Variants in DNM3 observed in about 807,000 individuals in gnomAD.
DNM3 encodes the protein dynamin-3.
Under a neutral mutation model 101.6 loss-of-function variants are expected in DNM3, and 47 were observed. That is an observed-to-expected ratio of 0.46 (90% confidence interval 0.37 to 0.59). The LOEUF (loss-of-function observed/expected upper bound fraction) is 0.59. Ranked by LOEUF, DNM3 falls within the 20% of genes least tolerant of loss-of-function variation. The probability of loss-of-function intolerance (pLI) is 0.00; values close to 1 mark genes in which losing one functional copy is unlikely to be tolerated. For synonymous variants in DNM3, 385 were observed against 387.9 expected, an observed-to-expected ratio of 0.99 and a Z score of 0.09; for missense variants, 849 against 1,085.7, an observed-to-expected ratio of 0.78 and a Z score of 3.06.
chr1:172,080,778 G>T (rs2053077333), intron 11 of DNM3, among the ~76,000 whole-genome samples: 1 of 152,154 alleles, frequency 6.6e-6, no homozygotes, highest in Non-Finnish European at 1.5e-5. Context: ...GGAATCTCCT[G>T]GTCTGCAGGT....
rs1188272057 is a variant in DNM3, at chr1:172,124,698, TGGCCCA to T, written c.1546-6475_1546-6470del. Among the ~76,000 whole-genome samples the T allele has an allele frequency of 5.3e-5, 8 of 152,212 alleles. No homozygotes were observed. The East Asian group carries it at 1.5e-3, about 29-fold the overall frequency. On this transcript the variant is annotated intron_variant, in intron 13 of 20. Coordinates refer to ENST00000627582, the MANE Select transcript of DNM3 (RefSeq NM_015569.5). Reference sequence around the variant, plus strand: ...GCTCTCCACAGTTCCCTTCTTGCCCTGGCCCAGAGCACGGAATGGCACTGATGGCAG... The same window carrying T: ...GCTCTCCACAGTTCCCTTCTTGCCCTGAGCACGGAATGGCACTGATGGCAG...
chr1:171,976,363 G>A (rs974318590), intron 2 of DNM3, among the ~76,000 whole-genome samples: 1 of 152,212 alleles, frequency 6.6e-6, no homozygotes, highest in African/African-American at 2.4e-5. Context: ...CCACATGGCT[G>A]AAGAGGCCTC....
At chr1:172,048,573 TAAA>T in intron 9 of DNM3, 36 bp from the exon 10 acceptor site, 2 of 1,564,076 alleles carry the variant, frequency 1.3e-6, no homozygotes, top group Non-Finnish European at 1.7e-6. Context: ...ATTACTCAAT[TAAA>T]AAAATCTCAT....
Position 172,350,756 on chromosome 1 carries a change from T to A in DNM3, c.1893+27416T>A, listed in dbSNP as rs571761838. Among the ~76,000 whole-genome samples the A allele has an allele frequency of 3.9e-5, 6 of 152,296 alleles. No homozygotes were observed. In the East Asian group the frequency reaches 9.7e-4, roughly 25 times the overall value. On this transcript the variant is annotated intron_variant, in intron 17 of 20. Transcript: ENST00000627582. Reference sequence around the variant, plus strand: ...AGCAGGGAACTCATCTATCTGTATATACATGGAGGCAGGCAGCTGTTAACA... The same window carrying A: ...AGCAGGGAACTCATCTATCTGTATAAACATGGAGGCAGGCAGCTGTTAACA...
intron 20 of DNM3, among the ~76,000 whole-genome samples, chr1:172,392,006 C>T (rs2069565743): frequency 6.6e-6 from 1 of 152,212 alleles, no homozygotes; most frequent in South Asian, 2.1e-4. Flanking sequence ...AATCAAAGCA[C>T]ACTTGCAATT....
At chr1:171,892,171 G>A (rs1387695423) in intron 1 of DNM3, among the ~76,000 whole-genome samples, 1 of 152,084 alleles carries the variant, frequency 6.6e-6, no homozygotes, top group Admixed American at 6.6e-5. Flanking sequence ...TTGTGTGTGT[G>A]TGCGTGTGTG....
intron 15 of DNM3, among the ~76,000 whole-genome samples, chr1:172,281,118 T>C (rs993237283): frequency 2.0e-5 from 3 of 151,974 alleles, no homozygotes; most frequent in Admixed American, 6.6e-5. Context: ...GAGAGTGTGA[T>C]AGCAGAATTA....
intron 11 of DNM3, among the ~76,000 whole-genome samples, chr1:172,070,070 C>T (rs1334561817): frequency 6.6e-5 from 10 of 152,090 alleles, no homozygotes; most frequent in Non-Finnish European, 1.0e-4. Flanking sequence ...ACCACCTTGT[C>T]TCTGCTTGAG....
At chr1:172,399,277 A>G (rs1001748802) in intron 20 of DNM3, among the ~76,000 whole-genome samples, 1 of 152,238 alleles carries the variant, frequency 6.6e-6, no homozygotes, top group Non-Finnish European at 1.5e-5. Flanking sequence ...TAGGAGTTTC[A>G]TAGTGCCTTC....
chr1:172,098,221 C>T (rs533410728), intron 13 of DNM3, among the ~76,000 whole-genome samples: 71 of 152,224 alleles, frequency 4.7e-4, no homozygotes, highest in African/African-American at 1.7e-3. Context: ...CAGCTTCGAC[C>T]GTAAAAGACA....
chr1:172,304,218 A>AAAAAAAAAAAAAAAAAAAAC lies in DNM3; in HGVS notation c.1770-4506_1770-4505insAAAAAAAAAAAAAAACAAAA, dbSNP rs1182798546. 8.5e-4 allele frequency among the ~76,000 whole-genome samples: 115 copies of AAAAAAAAAAAAAAAAAAAAC among 135,020 alleles called. 3 individuals are homozygous for AAAAAAAAAAAAAAAAAAAAC. The highest frequency in any genetic ancestry group is 3.7e-3 in the Middle Eastern group (1 of 270). The allele number at this position is 135,020 out of a possible 152,430, so 88.6% of individuals were successfully genotyped here. On this transcript the variant is annotated intron_variant, in intron 15 of 20. Transcript: ENST00000627582. ...TGCAAAAGGAAAGCAAAAAAAAAAA[A>AAAAAAAAAAAAAAAAAAAAC]AAAACAGGAGTTGCAATCCTAGTCT...
intron 17 of DNM3, among the ~76,000 whole-genome samples, chr1:172,344,483 C>T (rs903778991): frequency 9.2e-5 from 14 of 152,136 alleles, no homozygotes; most frequent in African/African-American, 3.1e-4. Context: ...TTTTTCCCCA[C>T]GAAAATGGCC....
At chr1:172,152,119 T>C (rs2058155893) in intron 14 of DNM3, among the ~76,000 whole-genome samples, 1 of 152,044 alleles carries the variant, frequency 6.6e-6, no homozygotes, top group African/African-American at 2.4e-5. Flanking sequence ...CCTGGACTCA[T>C]GGGATCTTCC....
chr1:171,908,557 G>A (rs536481908), intron 1 of DNM3, among the ~76,000 whole-genome samples: 2 of 151,700 alleles, frequency 1.3e-5, no homozygotes, highest in African/African-American at 4.8e-5. Flanking sequence ...TTGATGGATT[G>A]GTGCTTATTT....
chr1:171,908,703 T>C (rs1167262913), intron 1 of DNM3, among the ~76,000 whole-genome samples: 1 of 152,186 alleles, frequency 6.6e-6, no homozygotes, highest in East Asian at 1.9e-4. Flanking sequence ...ATTGTACATT[T>C]GTTTATTAGT....
chr1:172,159,221 G>T (rs1245742604), intron 14 of DNM3, among the ~76,000 whole-genome samples: 1 of 151,944 alleles, frequency 6.6e-6, no homozygotes, highest in East Asian at 1.9e-4. Context: ...GCCGTCTATG[G>T]AAAAGAACAA....
intron 13 of DNM3, among the ~76,000 whole-genome samples, chr1:172,097,540 T>C (rs2054328142): frequency 2.6e-5 from 4 of 152,194 alleles, no homozygotes; most frequent in African/African-American, 9.6e-5. Flanking sequence ...AAATACATGG[T>C]ATCCGAAGCC....
At chr1:171,930,246 A>G (rs1010824736) in intron 2 of DNM3, among the ~76,000 whole-genome samples, 7 of 152,204 alleles carry the variant, frequency 4.6e-5, no homozygotes, top group African/African-American at 1.7e-4. Flanking sequence ...CCCTCCCCGC[A>G]GAGCTCTATC....
At position 172,408,632 on chromosome 1, in the gene DNM3, T is replaced by C. The variant is rs2071050078; in HGVS notation, c.*791T>C. On this transcript the variant is annotated 3_prime_UTR_variant, in exon 21 of 21. Coordinates refer to ENST00000627582, the MANE Select transcript of DNM3 (RefSeq NM_015569.5). ...AAAATATAATTTCTTTCTTTACTTA[T>C]ATTCACCTCATGGTAGGTTATATTG... 1.0e-6 allele frequency: 1 copy of C among 985,068 alleles called. No homozygotes were observed. 61.0% of individuals were successfully genotyped at this position (985,068 alleles called of 1,614,324 possible).
Sources: allele counts gnomAD v4.1 joint callset (sites outside exome capture counted in the v4.1 genomes callset), GRCh38; gene constraint gnomAD v4.1.1; transcripts MANE v1.5; gene names NCBI Gene and HGNC (gene_info 2026-07-23, HGNC 2026-07-21).